TRPC5: variants seen among roughly 807,000 people sequenced by gnomAD.
TRPC5 encodes short transient receptor potential channel 5.
Under a neutral mutation model 56.5 loss-of-function variants are expected in TRPC5, and 9 were observed. That is an observed-to-expected ratio of 0.16 (90% CI 0.10 to 0.28). The LOEUF is 0.28. Ranked by LOEUF, TRPC5 falls within the 10% of genes least tolerant of loss-of-function variation. The probability of loss-of-function intolerance (pLI) is 1.00; values close to 1 mark genes in which losing one functional copy is unlikely to be tolerated. For synonymous variants in TRPC5, 282 were observed against 278.5 expected (o/e 1.01, Z -0.13); for missense variants, 469 against 748.9 (o/e 0.63, Z 4.36).
At chrX:111,938,189 T>A (rs1393251768) in intron 2 of TRPC5, among the ~76,000 whole-genome samples, 1 of 95,341 alleles carries the variant, frequency 1.0e-5, no homozygotes, top group African/African-American at 4.1e-5. Flanking sequence ...TTTTTGTACA[T>A]TGATTTTGTA....
intron 1 of TRPC5, among the ~76,000 whole-genome samples, chrX:111,979,134 T>C (rs181539110): frequency 8.1e-5 from 9 of 110,914 alleles, no homozygotes; most frequent in Non-Finnish European, 1.7e-4. Flanking sequence ...GAGAGACAAA[T>C]AGATTAATGG....
At chrX:112,073,491 A>G (rs761900095) in intron 1 of TRPC5, among the ~76,000 whole-genome samples, 72 of 111,118 alleles carry the variant, frequency 6.5e-4, no homozygotes, top group Non-Finnish European at 1.1e-3. Context: ...GCTGGTCTCG[A>G]ACTCCTGACC....
intron 1 of TRPC5, among the ~76,000 whole-genome samples, chrX:112,020,280 A>G (rs776610589): frequency 7.1e-5 from 8 of 112,284 alleles, no homozygotes; most frequent in African/African-American, 2.6e-4. Flanking sequence ...AGAGGTGAGT[A>G]ACTTGGGCAA....
chrX:111,985,934 G>C (rs1928199938), intron 1 of TRPC5, among the ~76,000 whole-genome samples: 1 of 111,641 alleles, frequency 9.0e-6, no homozygotes, highest in Non-Finnish European at 1.9e-5. Flanking sequence ...TCCCAATTCA[G>C]TCACTGCAGT....
At chrX:111,967,039 G>T (rs1927609466) in intron 1 of TRPC5, among the ~76,000 whole-genome samples, 1 of 111,410 alleles carries the variant, frequency 9.0e-6, no homozygotes, top group African/African-American at 3.3e-5. Flanking sequence ...AAGTCAAATT[G>T]TCCCTGTTTG....
At chrX:111,814,595 C>A (rs960062174) in intron 7 of TRPC5, among the ~76,000 whole-genome samples, 2 of 110,522 alleles carry the variant, frequency 1.8e-5, no homozygotes, top group African/African-American at 6.6e-5. Flanking sequence ...GCCCCTTTAA[C>A]CTTTCCCAAA....
At chrX:112,070,334 A>G (rs760854743) in intron 1 of TRPC5, among the ~76,000 whole-genome samples, 3 of 111,344 alleles carry the variant, frequency 2.7e-5, no homozygotes, top group Admixed American at 9.5e-5. Flanking sequence ...GTGCAGATTG[A>G]CGCCGCCAAG....
intron 2 of TRPC5, among the ~76,000 whole-genome samples, chrX:111,935,778 G>C (rs1000967915): frequency 1.8e-5 from 2 of 111,404 alleles, no homozygotes; most frequent in Non-Finnish European, 3.8e-5. Flanking sequence ...TAAGTTCATT[G>C]TAGATATATG....
intron 1 of TRPC5, among the ~76,000 whole-genome samples, chrX:111,963,552 A>C (rs1432707743): frequency 8.9e-6 from 1 of 112,125 alleles, no homozygotes; most frequent in Non-Finnish European, 1.9e-5. Context: ...ACACCTGACA[A>C]GCCTAACTGG....
intron 7 of TRPC5, among the ~76,000 whole-genome samples, chrX:111,814,289 G>A (rs977091619): frequency 9.1e-6 from 1 of 109,962 alleles, no homozygotes; most frequent in Non-Finnish European, 1.9e-5. Flanking sequence ...TTGCATCCAT[G>A]CAGTGTGGTC....
At chrX:111,906,102 C>T (rs1052613041) in intron 3 of TRPC5, among the ~76,000 whole-genome samples, 2 of 110,535 alleles carry the variant, frequency 1.8e-5, no homozygotes, top group Admixed American at 1.9e-4. Flanking sequence ...CGCCTATAAT[C>T]CTAGCACTTT....
chrX:111,911,806 A>T (rs1044303983), intron 3 of TRPC5, among the ~76,000 whole-genome samples: 5 of 112,210 alleles, frequency 4.5e-5, no homozygotes, highest in African/African-American at 9.7e-5. Flanking sequence ...AGTTGTGCCA[A>T]CAATTACCAG....
intron 3 of TRPC5, chrX:111,901,538 A>G (rs41309516): frequency 6.1e-5 from 10 of 164,250 alleles, no homozygotes; most frequent in Non-Finnish European, 1.1e-4. Context: ...TTTTATTATT[A>G]GGTCTGCTTT....
chrX:111,944,303 T>TGAAAGAGAGAGAGA (rs1556592296), intron 2 of TRPC5, among the ~76,000 whole-genome samples: 3 of 61,393 alleles, frequency 4.9e-5, no homozygotes, highest in Non-Finnish European at 8.4e-5. Flanking sequence ...TGTGTGTGTG[T>TGAAAGAGAGAGAGA]GAGAGAGAGA....
chrX:111,881,195 T>TTTTA (rs1924200879), intron 3 of TRPC5, among the ~76,000 whole-genome samples: 2 of 86,342 alleles, frequency 2.3e-5, no homozygotes, highest in East Asian at 3.3e-4. Flanking sequence ...ATTTTATTTT[T>TTTTA]GAGACAGAAT....
intron 6 of TRPC5, among the ~76,000 whole-genome samples, chrX:111,842,820 A>G (rs1922800467): frequency 8.9e-6 from 1 of 112,291 alleles, no homozygotes; most frequent in African/African-American, 3.2e-5. Context: ...TGCTGAAAGC[A>G]AGCTCAAAGT....
intron 7 of TRPC5, among the ~76,000 whole-genome samples, chrX:111,831,745 G>A (rs146877795): frequency 1.8e-5 from 2 of 111,953 alleles, no homozygotes; most frequent in African/African-American, 6.5e-5. Context: ...GCTGAATGAG[G>A]CTTTATCACA....
intron 7 of TRPC5, among the ~76,000 whole-genome samples, chrX:111,827,840 A>G (rs1434930434): frequency 1.8e-5 from 2 of 111,343 alleles, no homozygotes; most frequent in African/African-American, 3.3e-5. Context: ...GCTCCCTATC[A>G]TGCTTAGAAT....
At position 111,774,250 on chromosome X, in the gene TRPC5, T is replaced by TATAC. The variant is rs937638928; in HGVS notation, c.*2059_*2062dup. 1.6e-4 allele frequency: 18 copies of TATAC among 112,221 alleles called. No homozygotes were observed. The highest frequency in any genetic ancestry group is 1.4e-3 in the Admixed American group (15 of 10,587). 9.2% of individuals were successfully genotyped at this position (112,221 alleles called of 1,213,427 possible). A position where few individuals can be genotyped will look rare whatever the true frequency, so the allele number is the denominator to read the frequency against. ...AAAACTTATAAGTTTTCAGAAGTGATATACATTTCTGAGAAAAACATGTTT... is the reference window on the plus strand; with the variant it reads ...AAAACTTATAAGTTTTCAGAAGTGATATACATACATTTCTGAGAAAAACATGTTT... On this transcript the variant is annotated 3_prime_UTR_variant, in exon 11 of 11. Coordinates refer to ENST00000262839, the MANE Select transcript of TRPC5 (RefSeq NM_012471.3).
Sources: allele counts gnomAD v4.1 joint callset (sites outside exome capture counted in the v4.1 genomes callset), GRCh38; gene constraint gnomAD v4.1.1; transcripts MANE v1.5; gene names NCBI Gene and HGNC (gene_info 2026-07-23, HGNC 2026-07-21).